Variants in ADAMTS18 observed in about 807,000 individuals in gnomAD.
ADAMTS18 encodes A disintegrin and metalloproteinase with thrombospondin motifs 18.
A neutral mutation model predicts 165.9 loss-of-function variants in ADAMTS18; 157 were observed. The ratio of observed to expected loss-of-function variants is 0.95; its 90% CI spans 0.83 to 1.08. The LOEUF is 1.08. ADAMTS18 is among the 50% of genes least tolerant of loss of function. ADAMTS18 has a pLI of 0.00. For missense variants in ADAMTS18, 2,040 were observed against 1,534.0 expected (o/e 1.33, Z -5.51); for synonymous variants, 782 against 578.2 (o/e 1.35, Z -5.06).
chr16:77,414,678 C>T (rs2057507076), intron 3 of ADAMTS18, among the ~76,000 whole-genome samples: 1 of 152,274 alleles, frequency 6.6e-6, no homozygotes, highest in South Asian at 2.1e-4. Flanking sequence ...AAACAAACTT[C>T]TGTTGTCATT....
intron 13 of ADAMTS18, among the ~76,000 whole-genome samples, chr16:77,323,304 G>A (rs1281594155): frequency 6.6e-6 from 1 of 152,136 alleles, no homozygotes; most frequent in African/African-American, 2.4e-5. Context: ...TAAACAGTTT[G>A]CAAATAGTTG....
At chr16:77,411,409 C>T (rs528770092) in intron 3 of ADAMTS18, among the ~76,000 whole-genome samples, 25 of 152,238 alleles carry the variant, frequency 1.6e-4, no homozygotes, top group African/African-American at 5.8e-4. Context: ...ACCTGCTTGG[C>T]GCTTGAGACA....
At chr16:77,334,029 G>A (rs1191737378) in intron 12 of ADAMTS18, among the ~76,000 whole-genome samples, 1 of 135,992 alleles carries the variant, frequency 7.4e-6, no homozygotes, top group Non-Finnish European at 1.5e-5. Context: ...AATATACAGT[G>A]CAATATATGC....
At chr16:77,321,916 G>T (rs2056005918) in intron 14 of ADAMTS18, among the ~76,000 whole-genome samples, 1 of 152,092 alleles carries the variant, frequency 6.6e-6, no homozygotes, top group Non-Finnish European at 1.5e-5. Flanking sequence ...AGCACTTTGG[G>T]AGGCTGAAGC....
At chr16:77,293,018 A>G (rs2055394260) in intron 20 of ADAMTS18, 58 bp downstream of exon 20, 5 of 1,606,462 alleles carry the variant, frequency 3.1e-6, no homozygotes, top group Admixed American at 1.7e-5. Context: ...ACAGGGTTTC[A>G]CTGTGTTAGC....
intron 11 of ADAMTS18, among the ~76,000 whole-genome samples, chr16:77,337,548 G>A (rs2056329087): frequency 6.6e-6 from 1 of 152,142 alleles, no homozygotes; most frequent in African/African-American, 2.4e-5. Flanking sequence ...ATAAGAGACT[G>A]GATTTAACTC....
chr16:77,294,903 C>T lies in ADAMTS18; in HGVS notation c.3006+20G>A. 1.9e-6 allele frequency: 3 copies of T among 1,613,194 alleles called. No homozygotes were observed. Among genetic ancestry groups the T allele is most frequent in the Non-Finnish European group, 2.5e-6 (3 of 1,179,366 alleles). On this transcript the variant is annotated intron_variant, in intron 19 of 22. Coordinates refer to ENST00000282849, the MANE Select transcript of ADAMTS18 (RefSeq NM_199355.4). ...TTCATGGGGACCGAGAATAGTAACT[C>T]CCAAGTTTTCTCCTGTTACCTGAGA...
At position 77,417,940 on chromosome 16, in the gene ADAMTS18, C is replaced by T. The variant is rs543692482; in HGVS notation, c.495+13355G>A. Among the ~76,000 whole-genome samples the T allele has an allele frequency of 1.1e-4, 17 of 152,338 alleles. No homozygotes were observed. In the South Asian group the frequency reaches 2.9e-3, roughly 26 times the overall value. On this transcript the variant is annotated intron_variant, in intron 3 of 22. Coordinates refer to ENST00000282849, the MANE Select transcript of ADAMTS18 (RefSeq NM_199355.4). ...TCAAGAGAATATAGAGGACATTTAA[C>T]TTTGGTCTTAGGTCAACTGCAAAAG...
chr16:77,305,513 T>A (rs931795993), intron 16 of ADAMTS18, among the ~76,000 whole-genome samples: 1 of 152,180 alleles, frequency 6.6e-6, no homozygotes, highest in Non-Finnish European at 1.5e-5. Flanking sequence ...AAAGGGCGCT[T>A]CTAAGCACAA....
intron 3 of ADAMTS18, among the ~76,000 whole-genome samples, chr16:77,403,735 T>C (rs919037490): frequency 1.8e-4 from 28 of 152,128 alleles, no homozygotes; most frequent in African/African-American, 6.0e-4. Context: ...TTCATATACA[T>C]CAGAGATGCT....
chr16:77,311,783 C>T (rs1310836401), intron 16 of ADAMTS18, among the ~76,000 whole-genome samples: 2 of 151,686 alleles, frequency 1.3e-5, no homozygotes, highest in African/African-American at 2.4e-5. Context: ...AAGGCACGTC[C>T]AATTAATCAT....
chr16:77,431,662 T>G, intron 2 of ADAMTS18, 51 bp from the exon 3 acceptor site: 1 of 1,594,824 alleles, frequency 6.3e-7, no homozygotes, highest in East Asian at 2.2e-5. Context: ...CAATTCCAAA[T>G]GGTCTCTTTC....
intron 3 of ADAMTS18, among the ~76,000 whole-genome samples, chr16:77,419,518 C>A (rs1346182472): frequency 6.6e-6 from 1 of 152,164 alleles, no homozygotes; most frequent in Non-Finnish European, 1.5e-5. Flanking sequence ...TTCTTCTCCT[C>A]TCTTTGACCT....
intron 3 of ADAMTS18, among the ~76,000 whole-genome samples, chr16:77,369,933 C>A (rs1383592010): frequency 6.6e-6 from 1 of 152,172 alleles, no homozygotes; most frequent in South Asian, 2.1e-4. Context: ...GTTTAACATA[C>A]ATTAATCAAC....
At chr16:77,289,139 T>G in intron 22 of ADAMTS18, 125 bp downstream of exon 22, 1 of 1,269,610 alleles carries the variant, frequency 7.9e-7, no homozygotes. Context: ...CACTGTCACA[T>G]AGACTTCGGG....
intron 16 of ADAMTS18, among the ~76,000 whole-genome samples, chr16:77,316,204 T>G (rs904203735): frequency 6.6e-6 from 1 of 152,068 alleles, no homozygotes; most frequent in Non-Finnish European, 1.5e-5. Context: ...TTTTCCTATT[T>G]CCCCAGTTTA....
At chr16:77,360,416 G>A (rs1482017570) in intron 7 of ADAMTS18, among the ~76,000 whole-genome samples, 2 of 152,178 alleles carry the variant, frequency 1.3e-5, no homozygotes, top group Non-Finnish European at 2.9e-5. Context: ...ACAGACATAT[G>A]GGAAGTCAAA....
In ADAMTS18 at chr16:77,307,384, T is replaced by C. The variant is rs191103894; in HGVS notation, c.2533-6980A>G. Among the ~76,000 whole-genome samples, 303 of 152,288 alleles carry C rather than the reference T, an allele frequency of 2.0e-3. 3 individuals are homozygous for C. Among genetic ancestry groups the C allele is most frequent in the African/African-American group, 6.6e-3 (276 of 41,556 alleles). ...CATCATTGCTATTATGTGTGAGTGA[T>C]TGAATTTGACAAGAGACAGTAATAC... On this transcript the variant is annotated intron_variant, in intron 16 of 22. Coordinates refer to ENST00000282849, the MANE Select transcript of ADAMTS18 (RefSeq NM_199355.4).
chr16:77,296,179 A>T (rs2055468097), intron 18 of ADAMTS18, among the ~76,000 whole-genome samples: 1 of 152,174 alleles, frequency 6.6e-6, no homozygotes, highest in Admixed American at 6.5e-5. Context: ...ATATAAATAT[A>T]TTTGGCAGAA....
Sources: allele counts gnomAD v4.1 joint callset (sites outside exome capture counted in the v4.1 genomes callset), GRCh38; gene constraint gnomAD v4.1.1; transcripts MANE v1.5; gene names NCBI Gene and HGNC (gene_info 2026-07-23, HGNC 2026-07-21).